Variants in MACROD2 observed in about 807,000 individuals in gnomAD.
MACROD2 encodes the protein ADP-ribose glycohydrolase MACROD2.
A neutral mutation model predicts 70.4 loss-of-function variants in MACROD2; 36 were observed. The observed-to-expected ratio is 0.51, with a 90% CI of 0.39 to 0.68. The LOEUF (loss-of-function observed/expected upper bound fraction) is 0.68. Among genes scored for constraint, MACROD2 ranks in the 30% least tolerant of loss-of-function variants. The probability of loss-of-function intolerance (pLI) is 0.00; values close to 1 mark genes in which losing one functional copy is unlikely to be tolerated. For synonymous variants in MACROD2, 172 were observed against 178.8 expected, an observed-to-expected ratio of 0.96 and a Z score of 0.30; for missense variants, 496 against 538.4, an observed-to-expected ratio of 0.92 and a Z score of 0.78.
At chr20:15,313,875 T>G (rs922033817) in intron 6 of MACROD2, among the ~76,000 whole-genome samples, 2 of 151,896 alleles carry the variant, frequency 1.3e-5, no homozygotes, top group Non-Finnish European at 2.9e-5. Flanking sequence ...TTCAAAAATA[T>G]TTTTTATTTC....
intron 2 of MACROD2, among the ~76,000 whole-genome samples, chr20:14,050,710 A>G (rs2053555200): frequency 6.6e-6 from 1 of 152,248 alleles, no homozygotes; most frequent in South Asian, 2.1e-4. Flanking sequence ...AGGGCAAGGT[A>G]GCTAAAAATT....
chr20:14,762,451 A>G (rs2072028326), intron 5 of MACROD2, among the ~76,000 whole-genome samples: 1 of 152,152 alleles, frequency 6.6e-6, no homozygotes, highest in South Asian at 2.1e-4. Flanking sequence ...AACCATGCCA[A>G]ATCAAAAACA....
chr20:15,354,046 C>T (rs1268096358), intron 6 of MACROD2, among the ~76,000 whole-genome samples: 1 of 149,544 alleles, frequency 6.7e-6, no homozygotes, highest in East Asian at 2.0e-4. Flanking sequence ...AAGACACATG[C>T]ACACGTATGT....
At chr20:14,590,959 A>T (rs1434118644) in intron 4 of MACROD2, among the ~76,000 whole-genome samples, 3 of 152,176 alleles carry the variant, frequency 2.0e-5, no homozygotes, top group African/African-American at 7.2e-5. Flanking sequence ...AGAGACATAC[A>T]TTATGGTGTG....
intron 3 of MACROD2, among the ~76,000 whole-genome samples, chr20:14,320,062 A>G (rs919948183): frequency 8.5e-5 from 13 of 152,190 alleles, no homozygotes; most frequent in Admixed American, 7.9e-4. Context: ...TGGAGGGTTG[A>G]AGAGGGCACT....
intron 8 of MACROD2, among the ~76,000 whole-genome samples, chr20:15,571,371 G>A (rs1424902024): frequency 6.6e-6 from 1 of 151,398 alleles, no homozygotes; most frequent in African/African-American, 2.4e-5. Flanking sequence ...TTTTACAGAT[G>A]TATCTCTGTA....
intron 5 of MACROD2, among the ~76,000 whole-genome samples, chr20:15,213,771 A>G (rs181700354): frequency 2.2e-4 from 34 of 152,330 alleles, no homozygotes; most frequent in Admixed American, 1.5e-3. Context: ...AGATAGGCCC[A>G]TAGGCTTTCT....
chr20:15,957,466 G>T (rs2147381923), intron 12 of MACROD2, among the ~76,000 whole-genome samples: 1 of 152,216 alleles, frequency 6.6e-6, no homozygotes, highest in South Asian at 2.1e-4. Flanking sequence ...CTCTAGGTTG[G>T]AGCATAAACA....
chr20:15,299,690 A>G (rs2077623895), intron 6 of MACROD2, among the ~76,000 whole-genome samples: 1 of 152,202 alleles, frequency 6.6e-6, no homozygotes, highest in African/African-American at 2.4e-5. Flanking sequence ...ATGCCTACTG[A>G]TGCTTTATGT....
intron 5 of MACROD2, among the ~76,000 whole-genome samples, chr20:14,730,208 T>A (rs1341386346): frequency 6.6e-6 from 1 of 152,118 alleles, no homozygotes; most frequent in Non-Finnish European, 1.5e-5. Flanking sequence ...CGGAGGACAC[T>A]GGTTTTTGAC....
intron 4 of MACROD2, among the ~76,000 whole-genome samples, chr20:14,653,480 A>G (rs1985800353): frequency 6.7e-6 from 1 of 148,844 alleles, no homozygotes; most frequent in South Asian, 2.1e-4. Flanking sequence ...GGCCTCCCAA[A>G]GTGCTGGGAC....
At chr20:15,471,088 T>C (rs2046959350) in intron 7 of MACROD2, among the ~76,000 whole-genome samples, 1 of 152,190 alleles carries the variant, frequency 6.6e-6, no homozygotes, top group East Asian at 1.9e-4. Context: ...TTTTGTCCTT[T>C]CCCTTCTTTA....
chr20:16,044,547 C>CTT (rs746866121), intron 16 of MACROD2, 24 bp from the exon 17 acceptor site: 1,679 of 1,310,630 alleles, frequency 1.3e-3, no homozygotes, highest in South Asian at 1.9e-3. Context: ...GAATATTTAA[C>CTT]TTTTTTTTTT....
intron 13 of MACROD2, among the ~76,000 whole-genome samples, chr20:15,982,792 A>G (rs931034543): frequency 6.6e-6 from 1 of 152,214 alleles, no homozygotes; most frequent in African/African-American, 2.4e-5. Flanking sequence ...TTTGGTATTT[A>G]TTAAAATCAC....
At chr20:14,567,469 A>T (rs1275173544) in intron 4 of MACROD2, among the ~76,000 whole-genome samples, 1 of 152,062 alleles carries the variant, frequency 6.6e-6, no homozygotes, top group Non-Finnish European at 1.5e-5. Flanking sequence ...ATTAAAGGTC[A>T]ACAGATCTCA....
chr20:15,888,424 C>A (rs1050539537), intron 10 of MACROD2, among the ~76,000 whole-genome samples: 1 of 152,130 alleles, frequency 6.6e-6, no homozygotes. Flanking sequence ...ACTGCCCTTT[C>A]AAGCACCCGG....
intron 6 of MACROD2, among the ~76,000 whole-genome samples, chr20:15,390,067 G>C: frequency 6.6e-6 from 1 of 152,204 alleles, no homozygotes; most frequent in Non-Finnish European, 1.5e-5. Flanking sequence ...TTGGGTTCAA[G>C]AGAAGTTTCT....
At chr20:14,887,555 G>C (rs556407031) in intron 5 of MACROD2, among the ~76,000 whole-genome samples, 1 of 151,898 alleles carries the variant, frequency 6.6e-6, no homozygotes, top group African/African-American at 2.4e-5. Flanking sequence ...GCTAATTCTT[G>C]TATTTTATTT....
intron 5 of MACROD2, among the ~76,000 whole-genome samples, chr20:14,763,250 G>T (rs2072040686): frequency 6.6e-6 from 1 of 152,088 alleles, no homozygotes; most frequent in Non-Finnish European, 1.5e-5. Flanking sequence ...TAAGAGAAAG[G>T]TATTCACAAC....
Sources: allele counts gnomAD v4.1 joint callset (sites outside exome capture counted in the v4.1 genomes callset), GRCh38; gene constraint gnomAD v4.1.1; transcripts MANE v1.5; gene names NCBI Gene and HGNC (gene_info 2026-07-23, HGNC 2026-07-21).